The following C1orf146 variants were observed in gnomAD, a reference collection of about 807,000 sequenced individuals.
C1orf146 encodes the protein chromosome 1 open reading frame 146.
In C1orf146, 22 loss-of-function variants were observed where a neutral mutation model predicts 23.0. The observed-to-expected ratio is 0.96, with a 90% CI of 0.68 to 1.36. The LOEUF is 1.36. C1orf146 is among the 40% of genes most tolerant of loss of function. The pLI, the probability that C1orf146 is intolerant of heterozygous loss-of-function variation, is 0.00. For synonymous variants in C1orf146, 59 were observed against 65.3 expected (o/e 0.90, Z 0.47); for missense variants, 199 against 206.8 (o/e 0.96, Z 0.23).
At chr1:92,242,127 C>A in intron 2 of C1orf146, 85 bp from the exon 3 acceptor site, 1 of 600,856 alleles carries the variant, frequency 1.7e-6, no homozygotes, top group South Asian at 2.7e-5. Context: ...TATAAAACAA[C>A]ATATTAAACT....
chr1:92,219,936 T>G (rs919641104), intron 1 of C1orf146, among the ~76,000 whole-genome samples: 18 of 152,350 alleles, frequency 1.2e-4, no homozygotes, highest in African/African-American at 4.1e-4. Context: ...CAGTATAGAC[T>G]CATGGATATT....
chr1:92,226,767 A>T (rs1226309930), intron 1 of C1orf146, among the ~76,000 whole-genome samples: 2 of 152,050 alleles, frequency 1.3e-5, no homozygotes, highest in African/African-American at 4.8e-5. Flanking sequence ...GTAGATACTG[A>T]TGTATTTGGG....
intron 2 of C1orf146, chr1:92,240,903 G>A: frequency 2.2e-6 from 1 of 462,926 alleles, no homozygotes; most frequent in Non-Finnish European, 4.5e-6. Flanking sequence ...TTAATTGCCT[G>A]GGTGGAATAG....
chr1:92,230,961 T>C (rs1292306674), intron 1 of C1orf146, among the ~76,000 whole-genome samples: 1 of 152,142 alleles, frequency 6.6e-6, no homozygotes, highest in Admixed American at 6.6e-5. Flanking sequence ...CCTGTGGGAA[T>C]TGGGCTTGAG....
At chr1:92,237,239 AT>A (rs944659617) in intron 2 of C1orf146, among the ~76,000 whole-genome samples, 47 of 151,936 alleles carry the variant, frequency 3.1e-4, no homozygotes, top group African/African-American at 1.0e-3. Context: ...TTGTGGTTTT[AT>A]CTACTTTTGG....
intron 1 of C1orf146, among the ~76,000 whole-genome samples, chr1:92,224,318 G>A (rs890668067): frequency 2.6e-5 from 4 of 152,136 alleles, no homozygotes; most frequent in African/African-American, 9.7e-5. Flanking sequence ...AAGGTGCTGG[G>A]ATTACAGGCA....
chr1:92,223,012 C>A (rs533874697), intron 1 of C1orf146, among the ~76,000 whole-genome samples: 1 of 152,124 alleles, frequency 6.6e-6, no homozygotes, highest in South Asian at 2.1e-4. Flanking sequence ...TAGTTCATTC[C>A]TTTTTGTTGC....
At chr1:92,235,309 G>A (rs561372362) in intron 2 of C1orf146, among the ~76,000 whole-genome samples, 2 of 152,162 alleles carry the variant, frequency 1.3e-5, no homozygotes, top group South Asian at 2.1e-4. Flanking sequence ...GGTATGTTGC[G>A]TCTTTGTTCT....
At chr1:92,229,259 G>C in intron 1 of C1orf146, 1 of 556,810 alleles carries the variant, frequency 1.8e-6, no homozygotes, top group South Asian at 1.4e-5. Flanking sequence ...CTGTGTTGGC[G>C]TACAGGTCTT....
intron 1 of C1orf146, among the ~76,000 whole-genome samples, chr1:92,222,597 T>G (rs1651856191): frequency 6.7e-6 from 1 of 149,572 alleles, no homozygotes; most frequent in African/African-American, 2.5e-5. Flanking sequence ...TTTTCTTTTT[T>G]TTTTTTTGAG....
intron 1 of C1orf146, among the ~76,000 whole-genome samples, chr1:92,218,741 C>T (rs982242111): frequency 1.3e-5 from 2 of 152,052 alleles, no homozygotes; most frequent in East Asian, 1.9e-4. Flanking sequence ...TCCCCTCTGT[C>T]CCTGCACGCT....
rs192891845 is a variant in C1orf146, at chr1:92,229,799, A to C, written c.-39-1583A>C. Among the ~76,000 whole-genome samples the C allele has an allele frequency of 1.2e-4, 19 of 152,332 alleles. No homozygotes were observed. The East Asian group carries it at 1.7e-3, about 14-fold the overall frequency. On this transcript the variant is annotated intron_variant, in intron 1 of 5. Transcript: ENST00000370375. ...AGCCAACAAAGGACTGATATCTATA[A>C]TATACAAAGAAATCCTACAAATATA...
intron 3 of C1orf146, among the ~76,000 whole-genome samples, chr1:92,242,942 G>A (rs1177197099): frequency 1.3e-5 from 2 of 152,162 alleles, no homozygotes; most frequent in African/African-American, 2.4e-5. Context: ...AGCAGTTTTG[G>A]AAGACAAGCA....
At chr1:92,219,193 A>G (rs1224677100) in intron 1 of C1orf146, among the ~76,000 whole-genome samples, 1 of 152,134 alleles carries the variant, frequency 6.6e-6, no homozygotes, top group Admixed American at 6.5e-5. Context: ...AAGTATGTGT[A>G]GGGGGGGTTA....
At chr1:92,224,199 C>G (rs943343451) in intron 1 of C1orf146, among the ~76,000 whole-genome samples, 27 of 151,364 alleles carry the variant, frequency 1.8e-4, no homozygotes, top group African/African-American at 6.6e-4. Context: ...TACAGGCGCC[C>G]ACCACCACAC....
At chr1:92,218,260 AGTCC>A (rs1318444335) in intron 1 of C1orf146, among the ~76,000 whole-genome samples, 2 of 152,162 alleles carry the variant, frequency 1.3e-5, no homozygotes, top group Non-Finnish European at 2.9e-5. Flanking sequence ...CCCTGTCAGA[AGTCC>A]GTCACCCACC....
At position 92,245,801 on chromosome 1, in the gene C1orf146, TTTTA is replaced by T. The variant is rs1471000639; in HGVS notation, c.*131_*134del. On this transcript the variant is annotated 3_prime_UTR_variant, in exon 6 of 6. Transcript: ENST00000370375. The stretch of plus-strand genomic sequence containing the variant: ...TAATAACATATACAATTAAAAGTGA[TTTTA>T]TTTTAGGAGTTTCGCTGCAAGATTT... The T allele has an allele frequency of 1.6e-6, 1 of 625,170 alleles. No individual in the cohort carries two copies. Among genetic ancestry groups the T allele is most frequent in the East Asian group, 3.4e-5 (1 of 29,244 alleles). The allele number at this position is 625,170 out of a possible 1,614,324, so 38.7% of individuals were successfully genotyped here. A position where few individuals can be genotyped will look rare whatever the true frequency, so the allele number is the denominator to read the frequency against.
At chr1:92,224,964 A>G (rs1165206060) in intron 1 of C1orf146, among the ~76,000 whole-genome samples, 2 of 152,028 alleles carry the variant, frequency 1.3e-5, no homozygotes, top group African/African-American at 2.4e-5. Context: ...GTTGGTCTCC[A>G]TCTCTTGACC....
At chr1:92,235,682 GTT>G (rs1320848806) in intron 2 of C1orf146, among the ~76,000 whole-genome samples, 1 of 152,106 alleles carries the variant, frequency 6.6e-6, no homozygotes, top group Non-Finnish European at 1.5e-5. Context: ...TTTCTGTCTC[GTT>G]GATCTGTCTA....
Sources: allele counts gnomAD v4.1 joint callset (sites outside exome capture counted in the v4.1 genomes callset), GRCh38; gene constraint gnomAD v4.1.1; transcripts MANE v1.5; gene names NCBI Gene and HGNC (gene_info 2026-07-23, HGNC 2026-07-21).